ACSL4: variants seen among roughly 807,000 people sequenced by gnomAD.
The protein encoded by ACSL4 is acyl-CoA synthetase long chain family member 4.
A neutral mutation model predicts 49.1 loss-of-function variants in ACSL4; 9 were observed. The ratio of observed to expected loss-of-function variants is 0.18; its 90% confidence interval spans 0.11 to 0.32. The LOEUF (loss-of-function observed/expected upper bound fraction) is 0.32, where lower values mean the gene tolerates loss of function less well. Among genes scored for constraint, ACSL4 ranks in the 10% least tolerant of loss-of-function variants. The pLI is 1.00. For missense variants in ACSL4, 333 were observed against 493.7 expected, an observed-to-expected ratio of 0.67 and a Z score of 3.08; for synonymous variants, 191 against 170.3, an observed-to-expected ratio of 1.12 and a Z score of -0.95.
chrX:109,653,103 T>A (rs1439324006), intron 15 of ACSL4, among the ~76,000 whole-genome samples: 1 of 111,711 alleles, frequency 9.0e-6, no homozygotes, highest in East Asian at 2.8e-4. Flanking sequence ...GATAGGAATA[T>A]AAGCCGGTTC....
chrX:109,730,826 C>T lies in ACSL4; in HGVS notation c.-66+2313G>A, dbSNP rs190515320. Among the ~76,000 whole-genome samples, 654 of 111,582 alleles carry T rather than the reference C, an allele frequency of 5.9e-3. 5 individuals carry two copies. Among genetic ancestry groups the T allele is most frequent in the African/African-American group, 0.02 (619 of 30,712 alleles). On this transcript the variant is annotated intron_variant, in intron 1 of 15. Coordinates refer to ENST00000672401, the MANE Select transcript of ACSL4 (RefSeq NM_001318510.2). ...GGACTACAGTCACCCACCACCACGC[C>T]TGGCTAATTTTTTGTATTTTTAGTA...
chrX:109,683,313 T>C lies in ACSL4; in HGVS notation c.51A>G (p.Pro17=), dbSNP rs1015143535. The part of the protein sequence containing the change: ...AKPTSDKPGS[P]YRSVTHFDSL... The stretch of plus-strand genomic sequence containing the variant: ...AGTCGAAGTGTGTGACAGAGCGATA[T>C]GGACTTCCAGGTTTGTCTGAAGTGG... The change falls in exon 3 of 16, where the codon CCA becomes CCG. Residue 17 remains proline (P), a synonymous_variant. Transcript: ENST00000672401. 18 of 1,210,507 alleles carry C rather than the reference T, an allele frequency of 1.5e-5. No homozygotes were observed. In the African/African-American group the frequency reaches 1.6e-4, roughly 11 times the overall value.
intron 1 of ACSL4, among the ~76,000 whole-genome samples, chrX:109,697,066 GAAAAGAA>G (rs1372330678): frequency 1.8e-5 from 2 of 111,696 alleles, no homozygotes; most frequent in Non-Finnish European, 3.8e-5. Flanking sequence ...AAGAAAAAAA[GAAAAGAA>G]AAAAGAAAAA....
At chrX:109,658,714 G>A (rs1921909388) in intron 15 of ACSL4, among the ~76,000 whole-genome samples, 1 of 111,545 alleles carries the variant, frequency 9.0e-6, no homozygotes, top group Admixed American at 9.5e-5. Flanking sequence ...AGGATGAGCT[G>A]AAGTGACATC....
intron 15 of ACSL4, among the ~76,000 whole-genome samples, chrX:109,655,573 G>T (rs1921570153): frequency 9.0e-6 from 1 of 110,979 alleles, no homozygotes; most frequent in Non-Finnish European, 1.9e-5. Context: ...CACACAGGGT[G>T]GGGGGAATTA....
In ACSL4 at chrX:109,683,761, C is replaced by G. The variant is rs568186696; in HGVS notation, c.-12-386G>C. On this transcript the variant is annotated intron_variant, in intron 2 of 15. Coordinates refer to ENST00000672401, the MANE Select transcript of ACSL4 (RefSeq NM_001318510.2). The stretch of plus-strand genomic sequence containing the variant: ...AAAGAATATTAACAAGTTGATAGCA[C>G]AATTGATTTAAATACTCAGGTCTTT... 22 of 283,196 alleles carry G rather than the reference C, an allele frequency of 7.8e-5. No individual in the cohort carries two copies. The East Asian group carries it at 9.7e-4, about 12-fold the overall frequency. The allele number at this position is 283,196 out of a possible 1,213,427, so 23.3% of individuals were successfully genotyped here.
Position 109,682,750 on chromosome X carries a change from T to C in ACSL4, c.375A>G (p.Ala125=). ...AGTTGTACTTAAAGCAGGTCTGTGCTGCAATCATCCATTCGGCCCTGGTCT... is the reference window on the plus strand; with the variant it reads ...AGTTGTACTTAAAGCAGGTCTGTGCCGCAATCATCCATTCGGCCCTGGTCT... ...FCETRAEWMI[A]AQTCFKYNFP... is the part of the protein sequence containing the mutation. Residue 125 remains alanine, a synonymous_variant, in exon 4 of 16, where the codon GCA becomes GCG. Transcript: ENST00000672401. 5 of 1,211,932 alleles carry C rather than the reference T, an allele frequency of 4.1e-6. No homozygotes were observed. The highest frequency in any genetic ancestry group is 4.5e-6 in the Non-Finnish European group (4 of 895,550).
chrX:109,657,152 A>T (rs1265572948), intron 15 of ACSL4, among the ~76,000 whole-genome samples: 5 of 111,819 alleles, frequency 4.5e-5, no homozygotes, highest in African/African-American at 1.6e-4. Context: ...TCTCCCAATA[A>T]GATTTGGACT....
At chrX:109,712,622 T>C (rs1246601003) in intron 1 of ACSL4, among the ~76,000 whole-genome samples, 1 of 111,944 alleles carries the variant, frequency 8.9e-6, no homozygotes, top group African/African-American at 3.3e-5. Context: ...TAAGTGCCAG[T>C]GGCATAGGTG....
In ACSL4 at chrX:109,683,330, C is replaced by G; in HGVS notation, c.34G>C (p.Asp12His). 8.3e-7 allele frequency: 1 copy of G among 1,211,733 alleles called. No individual in the cohort carries two copies. Among genetic ancestry groups the G allele is most frequent in the East Asian group, 3.0e-5 (1 of 33,840 alleles). ...GAGCGATATGGACTTCCAGGTTTGT[C>G]TGAAGTGGGCTTAGCTTTTATTCTC... is the stretch of plus-strand genomic sequence containing the variant. ...AKRIKAKPTS[D>H]KPGSPYRSVT... The change falls in exon 3 of 16, where the codon GAC becomes CAC. Residue 12 changes from aspartate to histidine, a missense_variant. Asp to His is a moderately conservative substitution (Grantham distance 81, BLOSUM62 -1). This residue lies in a region of ACSL4 where 157 missense variants were observed against 201.1 expected (regional missense o/e 0.78). Transcript: ENST00000672401.
chrX:109,656,471 G>A (rs1921654182), intron 15 of ACSL4, among the ~76,000 whole-genome samples: 1 of 110,966 alleles, frequency 9.0e-6, no homozygotes, highest in South Asian at 3.8e-4. Flanking sequence ...AAGGCAAGGA[G>A]AATGGTCATA....
At chrX:109,666,403 C>G (rs1039743972) in intron 11 of ACSL4, among the ~76,000 whole-genome samples, 2 of 111,590 alleles carry the variant, frequency 1.8e-5, no homozygotes, top group African/African-American at 6.5e-5. Flanking sequence ...ACTGGTGGGT[C>G]TGGAGAGAAG....
At chrX:109,719,932 G>A (rs1274153158) in intron 1 of ACSL4, among the ~76,000 whole-genome samples, 3 of 111,384 alleles carry the variant, frequency 2.7e-5, no homozygotes, top group Non-Finnish European at 5.7e-5. Flanking sequence ...GGCGGAGGTT[G>A]AGATGAGCTG....
intron 9 of ACSL4, among the ~76,000 whole-genome samples, chrX:109,673,647 T>C (rs1015249395): frequency 1.8e-5 from 2 of 112,192 alleles, no homozygotes; most frequent in Non-Finnish European, 3.8e-5. Flanking sequence ...TCAGAACAAC[T>C]TGGACTGAAC....
rs1934460350 is a variant in ACSL4 at position 109,642,086 on chromosome X, T to C, written c.*1943A>G. The C allele has an allele frequency of 8.9e-6, 1 of 111,920 alleles. No homozygotes were observed. The highest frequency in any genetic ancestry group is 3.7e-4 in the South Asian group (1 of 2,695). 9.2% of individuals were successfully genotyped at this position (111,920 alleles called of 1,213,427 possible). On this transcript the variant is annotated 3_prime_UTR_variant, in exon 16 of 16. Coordinates refer to ENST00000672401, the MANE Select transcript of ACSL4 (RefSeq NM_001318510.2). ...ACCTTAAGTGTTAATTATGTGTTTC[T>C]AAAGGACCTATAACAGATCAGTTGG...
intron 15 of ACSL4, among the ~76,000 whole-genome samples, chrX:109,648,975 G>C (rs1934881262): frequency 9.8e-6 from 1 of 101,729 alleles, no homozygotes; most frequent in Non-Finnish European, 2.0e-5. Context: ...CAAGGGATGT[G>C]AAGGACCTCT....
intron 13 of ACSL4, among the ~76,000 whole-genome samples, chrX:109,662,864 G>A (rs767929748): frequency 1.8e-5 from 2 of 111,460 alleles, no homozygotes; most frequent in Non-Finnish European, 3.8e-5. Flanking sequence ...GACCAAGAAA[G>A]ACGTCCTCTG....
intron 2 of ACSL4, among the ~76,000 whole-genome samples, chrX:109,694,550 T>C (rs1603408048): frequency 1.8e-5 from 2 of 112,068 alleles, no homozygotes; most frequent in South Asian, 7.4e-4. Flanking sequence ...GTTGTTGTTG[T>C]TGTTTTGCCA....
At position 109,726,577 on chromosome X, in the gene ACSL4, T is replaced by C. The variant is rs184290998; in HGVS notation, c.-66+6562A>G. ...TACCAAGTATTCAGTGTACACTGTATTTTACAAAGGAAATAAAAATTATTC... is the reference window on the plus strand; with the variant it reads ...TACCAAGTATTCAGTGTACACTGTACTTTACAAAGGAAATAAAAATTATTC... On this transcript the variant is annotated intron_variant, in intron 1 of 15. Transcript: ENST00000672401. Among the ~76,000 whole-genome samples the C allele has an allele frequency of 1.7e-3, 196 of 112,857 alleles. 1 individual carries two copies. The highest frequency in any genetic ancestry group is 6.1e-3 in the African/African-American group (190 of 31,147).
Sources: allele counts gnomAD v4.1 joint callset (sites outside exome capture counted in the v4.1 genomes callset), GRCh38; gene constraint gnomAD v4.1.1; regional missense constraint gnomAD v4.1.1; transcripts MANE v1.5; gene names NCBI Gene and HGNC (gene_info 2026-07-23, HGNC 2026-07-21).